The following ERBB2 variants were observed in gnomAD, a reference collection of about 807,000 sequenced individuals.
ERBB2 encodes erb-b2 receptor tyrosine kinase 2.
ERBB2 carries 61 observed loss-of-function variants against 149.0 expected under a neutral mutation model. The observed-to-expected ratio is 0.41, with a 90% CI of 0.33 to 0.51. The LOEUF is 0.51. ERBB2 is among the 20% of genes least tolerant of loss of function. The pLI, the probability that ERBB2 is intolerant of heterozygous loss-of-function variation, is 0.25. For synonymous variants in ERBB2, 633 were observed against 678.8 expected, an observed-to-expected ratio of 0.93 and a Z score of 1.05; for missense variants, 1,205 against 1,655.1, an observed-to-expected ratio of 0.73 and a Z score of 4.72.
rs2058814452 is a variant in ERBB2 at position 39,711,832 on chromosome 17, T to C, written c.902-96T>C. ...GCGTGGTAGGGCATTTAAGTATTGG[T>C]TGATATTATTCTTCTTGTGCCTGGG... is the stretch of plus-strand genomic sequence containing the variant. On this transcript the variant is annotated intron_variant, in intron 7 of 26. Coordinates refer to ENST00000269571, the MANE Select transcript of ERBB2 (RefSeq NM_004448.4). 5 of 1,454,838 alleles carry C rather than the reference T, an allele frequency of 3.4e-6. No individual in the cohort carries two copies. In the South Asian group the frequency reaches 6.0e-5, roughly 17 times the overall value. The allele number at this position is 1,454,838 out of a possible 1,614,324, so 90.1% of individuals were successfully genotyped here.
chr17:39,705,849 G>A (rs144156088), intron 1 of ERBB2, among the ~76,000 whole-genome samples: 63 of 152,320 alleles, frequency 4.1e-4, no homozygotes, highest in Admixed American at 2.7e-3. Context: ...TGTGGGAGGC[G>A]GAGCAGTGAC....
Position 39,708,824 on chromosome 17 carries a change from C to G in ERBB2, c.439+290C>G, listed in dbSNP as rs554401994. Among the ~76,000 whole-genome samples the G allele has an allele frequency of 5.3e-5, 8 of 152,268 alleles. No individual in the cohort carries two copies. In the South Asian group the frequency reaches 1.7e-3, roughly 32 times the overall value. On this transcript the variant is annotated intron_variant, in intron 3 of 26. Transcript: ENST00000269571. ...ACAACCTATGTAACTATTTGCTGGCCCTGGAGCCGACTCTGCCCCAGAGTC... is the reference window on the plus strand; with the variant it reads ...ACAACCTATGTAACTATTTGCTGGCGCTGGAGCCGACTCTGCCCCAGAGTC...
intron 7 of ERBB2, 127 bp from the exon 8 acceptor site, chr17:39,711,801 G>A: frequency 9.1e-7 from 1 of 1,094,916 alleles, no homozygotes; most frequent in Non-Finnish European, 1.4e-6. Flanking sequence ...GATGTCAGGT[G>A]CTGATGCGTG....
upstream of ERBB2, among the ~76,000 whole-genome samples, chr17:39,693,817 G>A (rs975083896): frequency 2.7e-5 from 4 of 149,978 alleles, no homozygotes; most frequent in African/African-American, 9.8e-5. Context: ...GGCTGGGTGT[G>A]GTGGCTCATG....
intron 3 of ERBB2, 67 bp downstream of exon 3, chr17:39,708,601 G>C: frequency 7.8e-7 from 1 of 1,289,858 alleles, no homozygotes; most frequent in Non-Finnish European, 1.1e-6. Flanking sequence ...CTGCTAACCA[G>C]GGGGAGGCTT....
At chr17:39,692,367 T>C (rs1398289958), upstream of ERBB2, among the ~76,000 whole-genome samples, 1 of 151,884 alleles carries the variant, frequency 6.6e-6, no homozygotes, top group East Asian at 1.9e-4. Context: ...TGGTGGGAAG[T>C]GGGACTATGT....
At chr17:39,703,435 G>A (rs1207526456) in intron 1 of ERBB2, 2 of 152,240 alleles carry the variant, frequency 1.3e-5, no homozygotes, top group Non-Finnish European at 2.9e-5. Context: ...TGGGGTAAGG[G>A]ATGTGTACTC....
Sources: gnomAD v4.1 joint callset for allele counts (sites outside exome capture counted in the v4.1 genomes callset) on GRCh38, gnomAD v4.1.1 for gene constraint, MANE v1.5 for transcripts, NCBI Gene and HGNC (gene_info 2026-07-23, HGNC 2026-07-21) for gene names.